The following INPP4B variants were observed in gnomAD, a reference collection of about 807,000 sequenced individuals.
The protein encoded by INPP4B is inositol polyphosphate-4-phosphatase type II B, also known as inositol polyphosphate 4-phosphatase type II.
In INPP4B, 55 loss-of-function variants were observed where a neutral mutation model predicts 122.5. The observed-to-expected ratio is 0.45, with a 90% CI of 0.36 to 0.56. The LOEUF (loss-of-function observed/expected upper bound fraction) is 0.56. Among genes scored for constraint, INPP4B ranks in the 20% least tolerant of loss-of-function variants. The pLI, the probability that INPP4B is intolerant of heterozygous loss-of-function variation, is 0.00. For missense variants in INPP4B, 1,000 were observed against 1,097.7 expected (o/e 0.91, Z 1.26); for synonymous variants, 403 against 388.7 (o/e 1.04, Z -0.43).
At chr4:142,554,188 CAAAAAAA>C (rs758209943) in intron 2 of INPP4B, among the ~76,000 whole-genome samples, 3 of 97,206 alleles carry the variant, frequency 3.1e-5, no homozygotes, top group Admixed American at 1.0e-4. Flanking sequence ...AACTCCATCT[CAAAAAAA>C]AAAAAAAAAA....
chr4:142,235,445 G>C (rs1856274570), intron 12 of INPP4B, among the ~76,000 whole-genome samples: 1 of 151,496 alleles, frequency 6.6e-6, no homozygotes, highest in African/African-American at 2.4e-5. Flanking sequence ...TTTTTGAGAC[G>C]GAGTCTCGCT....
intron 21 of INPP4B, among the ~76,000 whole-genome samples, chr4:142,120,061 A>T (rs1052906834): frequency 2.0e-5 from 3 of 151,888 alleles, no homozygotes; most frequent in Admixed American, 1.3e-4. Flanking sequence ...CTTTCCATAT[A>T]GATAAACCAA....
At chr4:142,042,570 T>G (rs201939224) in intron 25 of INPP4B, among the ~76,000 whole-genome samples, 96 of 138,624 alleles carry the variant, frequency 6.9e-4, no homozygotes, top group African/African-American at 2.4e-3. Flanking sequence ...ATTTATTTAT[T>G]TATTTATTTT....
chr4:142,824,958 C>T (rs182485500), intron 1 of INPP4B, among the ~76,000 whole-genome samples: 1 of 151,546 alleles, frequency 6.6e-6, no homozygotes, highest in Non-Finnish European at 1.5e-5. Flanking sequence ...TTCACTTTGG[C>T]ACTAGAGAAT....
At chr4:142,124,531 G>C in intron 19 of INPP4B, 57 bp downstream of exon 19, 1 of 1,452,026 alleles carries the variant, frequency 6.9e-7, no homozygotes, top group South Asian at 1.2e-5. Flanking sequence ...CATCATCAAG[G>C]ATAGGATGTT....
Position 142,537,429 on chromosome 4 carries a change from T to TAG in INPP4B, c.-190-74705_-190-74704dup, listed in dbSNP as rs1157643466. 3.8e-3 allele frequency among the ~76,000 whole-genome samples: 96 copies of TAG among 25,454 alleles called. 1 individual carries two copies. Among genetic ancestry groups the TAG allele is most frequent in the African/African-American group, 5.2e-3 (44 of 8,414 alleles). 16.7% of individuals were successfully genotyped at this position (25,454 alleles called of 152,430 possible). ...ATATATATATATATATATATATATA[T>TAG]AGAGAGAGAGAGAGAGAGAGAGAGA... On this transcript the variant is annotated intron_variant, in intron 2 of 25. Coordinates refer to ENST00000262992, the MANE Select transcript of INPP4B (RefSeq NM_001101669.3).
At chr4:142,512,496 T>A (rs1275603642) in intron 2 of INPP4B, among the ~76,000 whole-genome samples, 2 of 152,324 alleles carry the variant, frequency 1.3e-5, no homozygotes, top group Non-Finnish European at 2.9e-5. Flanking sequence ...TATACCTTTT[T>A]CTATATCCCA....
chr4:142,719,875 T>C (rs1764283636), intron 2 of INPP4B, among the ~76,000 whole-genome samples: 1 of 152,142 alleles, frequency 6.6e-6, no homozygotes, highest in South Asian at 2.1e-4. Flanking sequence ...TAGAATTTAC[T>C]AAGTAAAAAG....
chr4:142,337,824 T>A (rs1777352460), intron 7 of INPP4B, among the ~76,000 whole-genome samples: 1 of 148,836 alleles, frequency 6.7e-6, no homozygotes, highest in Non-Finnish European at 1.5e-5. Flanking sequence ...GCAATTTATA[T>A]GTGTTGCATA....
chr4:142,042,683 C>G (rs1368704805), intron 25 of INPP4B, among the ~76,000 whole-genome samples: 1 of 152,134 alleles, frequency 6.6e-6, no homozygotes, highest in East Asian at 1.9e-4. Flanking sequence ...CTGCCTCAGC[C>G]TCCTGAGTAG....
At chr4:142,232,336 G>A (rs1402458674) in intron 12 of INPP4B, among the ~76,000 whole-genome samples, 1 of 152,008 alleles carries the variant, frequency 6.6e-6, no homozygotes. Context: ...TTTTCCAACA[G>A]CATGTGCTTA....
At chr4:142,152,662 T>C (rs888516175) in intron 17 of INPP4B, among the ~76,000 whole-genome samples, 2 of 152,058 alleles carry the variant, frequency 1.3e-5, no homozygotes, top group Admixed American at 1.3e-4. Flanking sequence ...GGGGTGATCA[T>C]AGCTCACTGC....
intron 25 of INPP4B, among the ~76,000 whole-genome samples, chr4:142,069,158 A>G (rs1765448850): frequency 6.6e-6 from 1 of 152,230 alleles, no homozygotes; most frequent in Admixed American, 6.5e-5. Context: ...CAATCAAACT[A>G]GAACTCAGGA....
At chr4:142,517,583 GAATATGTCTTAGCCTTA>G (rs1387456710) in intron 2 of INPP4B, among the ~76,000 whole-genome samples, 1 of 151,498 alleles carries the variant, frequency 6.6e-6, no homozygotes, top group Non-Finnish European at 1.5e-5. Context: ...TGCATCTTAT[GAATATGTCTTAGCCTTA>G]AACAAAGAAA....
intron 7 of INPP4B, among the ~76,000 whole-genome samples, chr4:142,321,578 T>A (rs1312815953): frequency 2.6e-5 from 4 of 152,216 alleles, no homozygotes; most frequent in African/African-American, 9.7e-5. Flanking sequence ...GATTTAAGTC[T>A]TTGATCCATC....
intron 6 of INPP4B, among the ~76,000 whole-genome samples, chr4:142,404,800 C>A (rs1252654073): frequency 1.3e-5 from 2 of 152,004 alleles, no homozygotes; most frequent in African/African-American, 2.4e-5. Context: ...TACTGTACAA[C>A]TTTCTTTTTT....
intron 2 of INPP4B, among the ~76,000 whole-genome samples, chr4:142,472,694 G>A (rs779081999): frequency 7.2e-5 from 11 of 151,988 alleles, no homozygotes; most frequent in Admixed American, 2.6e-4. Flanking sequence ...TATGATTTCC[G>A]TAGGCCACCT....
chr4:142,136,865 G>T (rs774504723), intron 18 of INPP4B, among the ~76,000 whole-genome samples: 3 of 151,990 alleles, frequency 2.0e-5, no homozygotes, highest in Admixed American at 6.5e-5. Flanking sequence ...ATACAAAACC[G>T]CTGTTAAAAT....
intron 2 of INPP4B, among the ~76,000 whole-genome samples, chr4:142,587,798 G>A (rs1736552754): frequency 6.6e-6 from 1 of 151,876 alleles, no homozygotes; most frequent in African/African-American, 2.4e-5. Context: ...ATCCTTTCCA[G>A]AAAGTAGAAT....
Sources: allele counts gnomAD v4.1 joint callset (sites outside exome capture counted in the v4.1 genomes callset), GRCh38; gene constraint gnomAD v4.1.1; transcripts MANE v1.5; gene names NCBI Gene and HGNC (gene_info 2026-07-23, HGNC 2026-07-21).